Variants in RGS17 observed in about 807,000 individuals in gnomAD.
RGS17 encodes the protein regulator of G-protein signaling 17.
RGS17 carries 12 observed loss-of-function variants against 25.5 expected under a neutral mutation model. The ratio of observed to expected loss-of-function variants is 0.47; its 90% CI spans 0.30 to 0.76. The LOEUF (loss-of-function observed/expected upper bound fraction) is 0.76. Ranked by LOEUF, RGS17 falls within the 30% of genes least tolerant of loss-of-function variation. The pLI is 0.07. For missense variants in RGS17, 196 were observed against 242.2 expected, an observed-to-expected ratio of 0.81 and a Z score of 1.27; for synonymous variants, 71 against 76.9, an observed-to-expected ratio of 0.92 and a Z score of 0.40.
At chr6:153,041,216 T>A (rs1776317579) in intron 2 of RGS17, among the ~76,000 whole-genome samples, 1 of 152,032 alleles carries the variant, frequency 6.6e-6, no homozygotes, top group African/African-American at 2.4e-5. Context: ...TAATTAGAAA[T>A]TTTCTATCAT....
intron 2 of RGS17, among the ~76,000 whole-genome samples, chr6:153,026,822 A>C (rs1346959159): frequency 6.6e-6 from 1 of 152,124 alleles, no homozygotes; most frequent in Non-Finnish European, 1.5e-5. Flanking sequence ...ATTACTGAAT[A>C]TTTCTGAGAT....
At chr6:153,089,297 G>T (rs1485343593) in intron 1 of RGS17, among the ~76,000 whole-genome samples, 1 of 151,736 alleles carries the variant, frequency 6.6e-6, no homozygotes, top group Non-Finnish European at 1.5e-5. Flanking sequence ...GACATATGTG[G>T]TTTTTGCCAA....
chr6:153,062,459 A>C (rs1409349669), intron 1 of RGS17, among the ~76,000 whole-genome samples: 3 of 152,162 alleles, frequency 2.0e-5, no homozygotes, highest in Non-Finnish European at 4.4e-5. Context: ...CTGGAGGGGA[A>C]TCACTACTCC....
At chr6:153,098,551 GC>G (rs1360062447) in intron 1 of RGS17, among the ~76,000 whole-genome samples, 2 of 152,012 alleles carry the variant, frequency 1.3e-5, no homozygotes, top group East Asian at 1.9e-4. Flanking sequence ...TGTGGTCTCA[GC>G]CCCCCACATG....
At chr6:153,012,723 C>G (rs1249171977) in intron 4 of RGS17, among the ~76,000 whole-genome samples, 1 of 152,186 alleles carries the variant, frequency 6.6e-6, no homozygotes, top group Non-Finnish European at 1.5e-5. Flanking sequence ...AGGAATAGGA[C>G]CTGTGAACCA....
chr6:153,096,801 C>T (rs1479471721), intron 1 of RGS17, among the ~76,000 whole-genome samples: 4 of 152,086 alleles, frequency 2.6e-5, no homozygotes, highest in Admixed American at 1.3e-4. Flanking sequence ...CAAAACTGAA[C>T]ACTTCTAACT....
At chr6:153,129,318 G>A (rs1205841112) in intron 1 of RGS17, among the ~76,000 whole-genome samples, 1 of 152,172 alleles carries the variant, frequency 6.6e-6, no homozygotes, top group Non-Finnish European at 1.5e-5. Context: ...ACTGGAGGAG[G>A]TCAAACTTCT....
rs1272514065 is a variant in RGS17, at chr6:153,054,011, T to TA, written c.-25-9969dup. Reference sequence around the variant, plus strand: ...TATATAATATATATACATATATACGTATATATGTATATAATATATATACAT... The same window carrying TA: ...TATATAATATATATACATATATACGTAATATATGTATATAATATATATACAT... On this transcript the variant is annotated intron_variant, in intron 1 of 4. Transcript: ENST00000206262. 8.4e-4 allele frequency among the ~76,000 whole-genome samples: 30 copies of TA among 35,910 alleles called. 4 individuals are homozygous for TA. The highest frequency in any genetic ancestry group is 1.9e-3 in the Admixed American group (6 of 3,118). 23.6% of individuals were successfully genotyped at this position (35,910 alleles called of 152,430 possible).
intron 1 of RGS17, among the ~76,000 whole-genome samples, chr6:153,081,168 G>C (rs1776973864): frequency 6.6e-6 from 1 of 151,912 alleles, no homozygotes; most frequent in African/African-American, 2.4e-5. Flanking sequence ...CTTTCTACTT[G>C]TTCTACCAAT....
chr6:153,114,529 C>T (rs185476511), intron 1 of RGS17, among the ~76,000 whole-genome samples: 16 of 152,164 alleles, frequency 1.1e-4, no homozygotes, highest in Middle Eastern at 3.4e-3. Flanking sequence ...TCATTTCTTC[C>T]GAAACTATTC....
rs143134441 is a variant in RGS17, at chr6:153,024,398, C to T, written c.308G>A (p.Arg103Gln). The T allele has an allele frequency of 4.1e-5, 66 of 1,614,018 alleles. No homozygotes were observed. The highest frequency in any genetic ancestry group is 5.1e-5 in the Non-Finnish European group (60 of 1,179,992). ...AGRNLFREFL[R>Q]TEYSEENLLF... ...TAGGTTCTCTTCACTGTATTCTGTT[C>T]GGAGGAACTCTCTGAAAAGGTTTCT... Residue 103 changes from arginine (R) to glutamine (Q), a missense_variant, in exon 4 of 5, where the codon CGA (arginine) becomes CAA (glutamine). Physicochemically the swap from Arg to Gln is conservative, Grantham distance 43. Around this residue, in one of 2 missense-constraint regions of RGS17, gnomAD observed 179 missense variants for 197.6 expected, o/e 0.91. Transcript: ENST00000206262.
At chr6:153,079,064 G>T (rs1019181539) in intron 1 of RGS17, among the ~76,000 whole-genome samples, 19 of 146,822 alleles carry the variant, frequency 1.3e-4, no homozygotes, top group Admixed American at 9.9e-4. Context: ...CTAAAACAAT[G>T]TTGAAAAGAA....
At chr6:153,077,469 C>T (rs1338458391) in intron 1 of RGS17, among the ~76,000 whole-genome samples, 1 of 152,096 alleles carries the variant, frequency 6.6e-6, no homozygotes, top group Non-Finnish European at 1.5e-5. Flanking sequence ...AGGAGATGGC[C>T]TTTATTCTTT....
At chr6:153,025,960 A>T (rs1779297760) in intron 3 of RGS17, among the ~76,000 whole-genome samples, 1 of 151,864 alleles carries the variant, frequency 6.6e-6, no homozygotes, top group African/African-American at 2.4e-5. Flanking sequence ...TTACAATTAT[A>T]TGACTGGACT....
At chr6:153,042,851 C>T (rs1281065649) in intron 2 of RGS17, among the ~76,000 whole-genome samples, 1 of 152,084 alleles carries the variant, frequency 6.6e-6, no homozygotes, top group African/African-American at 2.4e-5. Context: ...AAAAAAGAAA[C>T]CTCAATATAT....
chr6:153,092,997 A>G (rs1777155075), intron 1 of RGS17, among the ~76,000 whole-genome samples: 1 of 152,226 alleles, frequency 6.6e-6, no homozygotes, highest in Admixed American at 6.5e-5. Context: ...GAGTCCTAAC[A>G]AAGACTAAAA....
At chr6:153,101,704 G>A (rs1393279738) in intron 1 of RGS17, among the ~76,000 whole-genome samples, 1 of 152,050 alleles carries the variant, frequency 6.6e-6, no homozygotes, top group African/African-American at 2.4e-5. Flanking sequence ...GAATCATGGG[G>A]GCAGACTTCC....
intron 1 of RGS17, among the ~76,000 whole-genome samples, chr6:153,129,366 AGT>A (rs1777750658): frequency 6.6e-6 from 1 of 152,202 alleles, no homozygotes; most frequent in Non-Finnish European, 1.5e-5. Context: ...ATTAGATAGG[AGT>A]GCTATAATGC....
chr6:153,037,193 C>CACAG (rs1361094299), intron 2 of RGS17, among the ~76,000 whole-genome samples: 1 of 116,030 alleles, frequency 8.6e-6, no homozygotes, highest in African/African-American at 3.1e-5. Context: ...CACACACACA[C>CACAG]ACACACAGAC....
Sources: gnomAD v4.1 joint callset for allele counts (sites outside exome capture counted in the v4.1 genomes callset) on GRCh38, gnomAD v4.1.1 for gene constraint, gnomAD v4.1.1 regional missense constraint, MANE v1.5 for transcripts, NCBI Gene and HGNC (gene_info 2026-07-23, HGNC 2026-07-21) for gene names.